RAPGEF6: variants seen among roughly 807,000 people sequenced by gnomAD.
The protein encoded by RAPGEF6 is Rap guanine nucleotide exchange factor 6.
RAPGEF6 carries 56 observed loss-of-function variants against 171.4 expected under a neutral mutation model. That is an observed-to-expected ratio of 0.33 (90% CI 0.26 to 0.41). The LOEUF (loss-of-function observed/expected upper bound fraction) is 0.41. RAPGEF6 is among the 10% of genes least tolerant of loss of function. The pLI is 1.00. For missense variants in RAPGEF6, 1,674 were observed against 1,921.4 expected (o/e 0.87, Z 2.41); for synonymous variants, 692 against 650.1 (o/e 1.06, Z -0.98).
intron 11 of RAPGEF6, among the ~76,000 whole-genome samples, chr5:131,502,388 T>C (rs1757083505): frequency 1.3e-5 from 2 of 152,196 alleles, no homozygotes; most frequent in Non-Finnish European, 2.9e-5. Context: ...CCACCAAATA[T>C]TTATCAGTTA....
intron 4 of RAPGEF6, among the ~76,000 whole-genome samples, chr5:131,578,825 A>T (rs1471177591): frequency 6.6e-6 from 1 of 152,158 alleles, no homozygotes; most frequent in Non-Finnish European, 1.5e-5. Context: ...ATTGTTTAAG[A>T]AGACACCTAC....
chr5:131,560,478 G>A (rs1296859228), intron 5 of RAPGEF6, among the ~76,000 whole-genome samples: 3 of 152,170 alleles, frequency 2.0e-5, no homozygotes, highest in African/African-American at 4.8e-5. Context: ...AGTAAAAGCA[G>A]TATTTCTTTT....
At chr5:131,436,057 T>C in intron 24 of RAPGEF6, 17 of 1,537,542 alleles carry the variant, frequency 1.1e-5, no homozygotes, top group Non-Finnish European at 1.5e-5. Context: ...TTTCTCATCT[T>C]TGATGTTGCT....
Position 131,603,346 on chromosome 5 carries a change from G to T in RAPGEF6, c.141-19C>A, listed in dbSNP as rs547252898. The T allele has an allele frequency of 7.0e-7, 1 of 1,429,978 alleles. No individual in the cohort carries two copies. Among genetic ancestry groups the T allele is most frequent in the Non-Finnish European group, 9.5e-7 (1 of 1,050,968 alleles). The allele number at this position is 1,429,978 out of a possible 1,614,324, so 88.6% of individuals were successfully genotyped here. A position where few individuals can be genotyped will look rare whatever the true frequency, so the allele number is the denominator to read the frequency against. ...CATTAATCTATTAAAAAAAAAAATTGAAGATTTTATCTTACATTTTGTTTT... is the reference window on the plus strand; with the variant it reads ...CATTAATCTATTAAAAAAAAAAATTTAAGATTTTATCTTACATTTTGTTTT... On this transcript the variant is annotated intron_variant, in intron 2 of 27. Coordinates refer to ENST00000509018, the MANE Select transcript of RAPGEF6 (RefSeq NM_016340.6).
rs747331519 is a variant in RAPGEF6 at position 131,450,344 on chromosome 5, C to T, written c.3200+2710G>A. ...TATAAATAAGAAGCTTAAGGAAAAA[C>T]ATTTACTTACTATAATATAAATTTT... On this transcript the variant is annotated intron_variant, in intron 21 of 27. Coordinates refer to ENST00000509018, the MANE Select transcript of RAPGEF6 (RefSeq NM_016340.6). 2.1e-4 allele frequency among the ~76,000 whole-genome samples: 32 copies of T among 152,118 alleles called. 1 individual carries two copies. In the South Asian group the frequency reaches 2.3e-3, roughly 11 times the overall value.
intron 22 of RAPGEF6, among the ~76,000 whole-genome samples, chr5:131,444,525 G>C (rs1580832249): frequency 6.6e-6 from 1 of 152,252 alleles, no homozygotes; most frequent in African/African-American, 2.4e-5. Context: ...TATTGTTTGG[G>C]CTTCGGATAG....
intron 6 of RAPGEF6, among the ~76,000 whole-genome samples, chr5:131,533,314 G>T (rs547254299): frequency 6.6e-6 from 1 of 151,732 alleles, no homozygotes; most frequent in South Asian, 2.1e-4. Context: ...AATCCATTTT[G>T]ATTTTTAATT....
intron 15 of RAPGEF6, among the ~76,000 whole-genome samples, chr5:131,481,218 C>T (rs1755457255): frequency 6.7e-6 from 1 of 150,342 alleles, no homozygotes; most frequent in Non-Finnish European, 1.5e-5. Context: ...AGCCACCATG[C>T]CTGGCCCTTT....
chr5:131,492,302 T>C (rs1288970520), intron 14 of RAPGEF6, among the ~76,000 whole-genome samples: 1 of 152,196 alleles, frequency 6.6e-6, no homozygotes, highest in Non-Finnish European at 1.5e-5. Flanking sequence ...TACAGTTTCC[T>C]AATCCATGAA....
intron 4 of RAPGEF6, among the ~76,000 whole-genome samples, chr5:131,572,114 T>C (rs1206403154): frequency 6.6e-6 from 1 of 152,262 alleles, no homozygotes. Context: ...ACAGCTTTGT[T>C]GCTCAAACTA....
At chr5:131,504,081 A>G (rs1757193084) in intron 11 of RAPGEF6, among the ~76,000 whole-genome samples, 1 of 152,200 alleles carries the variant, frequency 6.6e-6, no homozygotes, top group African/African-American at 2.4e-5. Flanking sequence ...TTGAAAAGGA[A>G]AACTCTGACC....
chr5:131,631,802 C>T (rs926606347), intron 1 of RAPGEF6, among the ~76,000 whole-genome samples: 15 of 152,064 alleles, frequency 9.9e-5, no homozygotes, highest in African/African-American at 3.4e-4. Context: ...GTAGGCCAGG[C>T]GTGGTGGCTC....
intron 7 of RAPGEF6, among the ~76,000 whole-genome samples, chr5:131,520,745 T>C (rs544798690): frequency 2.0e-5 from 3 of 152,198 alleles, no homozygotes; most frequent in African/African-American, 7.2e-5. Flanking sequence ...TTCCACTATC[T>C]GGATCCTGAA....
intron 13 of RAPGEF6, among the ~76,000 whole-genome samples, chr5:131,494,944 A>C (rs966983109): frequency 1.3e-5 from 2 of 152,330 alleles, no homozygotes; most frequent in South Asian, 4.1e-4. Flanking sequence ...GGGTACACAT[A>C]TAACACCAGG....
At chr5:131,623,514 A>C in intron 1 of RAPGEF6, among the ~76,000 whole-genome samples, 1 of 118,746 alleles carries the variant, frequency 8.4e-6, no homozygotes, top group Admixed American at 1.1e-4. Context: ...ACAGAGTTTC[A>C]CTCTTGTTGC....
intron 23 of RAPGEF6, 84 bp from the exon 24 acceptor site, chr5:131,439,799 C>T: frequency 1.3e-6 from 2 of 1,529,288 alleles, no homozygotes; most frequent in Middle Eastern, 2.4e-4. Context: ...ATAACTAACA[C>T]TATGATGCAC....
At chr5:131,575,011 G>A (rs1359737367) in intron 4 of RAPGEF6, among the ~76,000 whole-genome samples, 2 of 151,976 alleles carry the variant, frequency 1.3e-5, no homozygotes, top group African/African-American at 2.4e-5. Context: ...CAGGATCTTC[G>A]CTTTATTAAC....
Position 131,624,277 on chromosome 5 carries a change from G to C in RAPGEF6, c.69+10685C>G, listed in dbSNP as rs543483345. Reference sequence around the variant, plus strand: ...AGAACTGGAGTCCAGATTTGAAGTAGGCTTGTCCAAATGCAAAATTCAAAG... The same window carrying C: ...AGAACTGGAGTCCAGATTTGAAGTACGCTTGTCCAAATGCAAAATTCAAAG... On this transcript the variant is annotated intron_variant, in intron 1 of 27. Coordinates refer to ENST00000509018, the MANE Select transcript of RAPGEF6 (RefSeq NM_016340.6). 2.6e-5 allele frequency among the ~76,000 whole-genome samples: 4 copies of C among 152,274 alleles called. No homozygotes were observed. In the South Asian group the frequency reaches 6.2e-4, roughly 24 times the overall value.
At chr5:131,617,670 G>A (rs890959901) in intron 1 of RAPGEF6, among the ~76,000 whole-genome samples, 1 of 152,194 alleles carries the variant, frequency 6.6e-6, no homozygotes, top group Non-Finnish European at 1.5e-5. Context: ...GAAGTGGGTG[G>A]ATCACCTGAG....
Sources: gnomAD v4.1 joint callset for allele counts (sites outside exome capture counted in the v4.1 genomes callset) on GRCh38, gnomAD v4.1.1 for gene constraint, MANE v1.5 for transcripts, NCBI Gene and HGNC (gene_info 2026-07-23, HGNC 2026-07-21) for gene names.